TLE3: variants seen among roughly 807,000 people sequenced by gnomAD.
The protein encoded by TLE3 is transducin-like enhancer protein 3.
A neutral mutation model predicts 93.0 loss-of-function variants in TLE3; 14 were observed. The observed-to-expected ratio is 0.15, with a 90% CI of 0.10 to 0.24. The LOEUF (loss-of-function observed/expected upper bound fraction) is 0.24, where lower values mean the gene tolerates loss of function less well. Among genes scored for constraint, TLE3 ranks in the 10% least tolerant of loss-of-function variants. The probability of loss-of-function intolerance (pLI) is 1.00; values close to 1 mark genes in which losing one functional copy is unlikely to be tolerated. For missense variants in TLE3, 693 were observed against 1,046.6 expected, an observed-to-expected ratio of 0.66 and a Z score of 4.66; for synonymous variants, 451 against 425.0, an observed-to-expected ratio of 1.06 and a Z score of -0.75.
rs772877606 is a variant in TLE3, at chr15:70,096,869, G to A, written c.-71C>T. 2.4e-5 allele frequency: 38 copies of A among 1,567,328 alleles called. No individual in the cohort carries two copies. Among genetic ancestry groups the A allele is most frequent in the Non-Finnish European group, 2.9e-5 (33 of 1,154,128 alleles). On this transcript the variant is annotated 5_prime_UTR_variant, in exon 1 of 20. Transcript: ENST00000451782. ...CCGGGCCGGGGAGGTGCGGGGGAGG[G>A]GGGAGCCGAGCCCGAGCGGGGGGCG...
intron 4 of TLE3, among the ~76,000 whole-genome samples, chr15:70,080,125 T>C (rs991100681): frequency 4.0e-5 from 6 of 151,044 alleles, no homozygotes; most frequent in African/African-American, 1.5e-4. Context: ...AATCACAAAC[T>C]GGAACTCGAT....
intron 8 of TLE3, among the ~76,000 whole-genome samples, chr15:70,061,804 G>A (rs1336637486): frequency 6.6e-6 from 1 of 152,208 alleles, no homozygotes; most frequent in Admixed American, 6.5e-5. Flanking sequence ...TGCCCTCCAG[G>A]AGCTCATGGT....
intron 9 of TLE3, 94 bp from the exon 10 acceptor site, chr15:70,059,554 G>A: frequency 1.5e-6 from 2 of 1,302,886 alleles, no homozygotes; most frequent in Non-Finnish European, 1.1e-6. Flanking sequence ...TACTGGCCAG[G>A]ACCTGAAGCC....
At chr15:70,057,955 TGCTGCTTTCATGTCTG>T in intron 12 of TLE3, 188 bp downstream of exon 12, 1 of 874,282 alleles carries the variant, frequency 1.1e-6, no homozygotes, top group Non-Finnish European at 1.7e-6. Flanking sequence ...ACCCGTCTGA[TGCTGCTTTCATGTCTG>T]GCCCAGCAGG....
chr15:70,058,901 C>T lies in TLE3; in HGVS notation c.766-86G>A. 1 of 1,440,600 alleles carries T rather than the reference C, an allele frequency of 6.9e-7. No individual in the cohort carries two copies. Among genetic ancestry groups the T allele is most frequent in the East Asian group, 2.5e-5 (1 of 39,778 alleles). The allele number at this position is 1,440,600 out of a possible 1,614,324, so 89.2% of individuals were successfully genotyped here. On this transcript the variant is annotated intron_variant, in intron 10 of 19. Coordinates refer to ENST00000451782, the MANE Select transcript of TLE3 (RefSeq NM_001105192.3). The surrounding 1 kb of genome is among the most constrained non-coding windows in gnomAD (Gnocchi z 4.1). ...GCTCTGGGAGTGGGAAGAGAGAGGG[C>T]ATGGGCGATGGGAAGACGAGCTTGG...
intron 15 of TLE3, 76 bp from the exon 16 acceptor site, chr15:70,054,761 C>T: frequency 6.8e-7 from 1 of 1,466,552 alleles, no homozygotes; most frequent in East Asian, 2.5e-5. Context: ...TCCAGCAACA[C>T]CGAGCACCCT....
intron 4 of TLE3, among the ~76,000 whole-genome samples, chr15:70,082,675 G>GC (rs1392337913): frequency 6.6e-6 from 1 of 152,360 alleles, no homozygotes. Flanking sequence ...GAAAGGCCCA[G>GC]CCCCCCTCAG....
At chr15:70,060,758 A>G in intron 8 of TLE3, 109 bp from the exon 9 acceptor site, 1 of 1,542,038 alleles carries the variant, frequency 6.5e-7, no homozygotes. Flanking sequence ...GAGGGAAGAG[A>G]AGCTGAACTC....
intron 6 of TLE3, among the ~76,000 whole-genome samples, chr15:70,067,154 C>T (rs139533212): frequency 2.0e-5 from 3 of 152,178 alleles, no homozygotes; most frequent in East Asian, 1.9e-4. Context: ...TCAAGGACTC[C>T]GCTGCCCTGG....
intron 6 of TLE3, among the ~76,000 whole-genome samples, chr15:70,071,959 G>A (rs932027680): frequency 2.6e-5 from 4 of 152,216 alleles, no homozygotes; most frequent in East Asian, 1.9e-4. Flanking sequence ...CTAGATTAGC[G>A]GACTCCTTCG....
intron 8 of TLE3, among the ~76,000 whole-genome samples, chr15:70,063,938 G>C (rs552694770): frequency 3.9e-5 from 6 of 152,200 alleles, no homozygotes; most frequent in African/African-American, 1.4e-4. Flanking sequence ...ATCCTAGCAG[G>C]GGGGTGGTAA....
intron 4 of TLE3, among the ~76,000 whole-genome samples, chr15:70,080,350 T>C: frequency 6.6e-6 from 1 of 152,222 alleles, no homozygotes; most frequent in East Asian, 1.9e-4. Flanking sequence ...TCAGGGAGGC[T>C]GGTGCCGCCT....
rs3825968 is a variant in TLE3, at chr15:70,060,736, C to A, written c.595-87G>T. 0.27 allele frequency: 431,261 copies of A among 1,570,988 alleles called. 61,149 individuals are homozygous for A. The highest frequency in any genetic ancestry group is 0.39 in the Admixed American group (22,315 of 57,394). On this transcript the variant is annotated intron_variant, in intron 8 of 19. Coordinates refer to ENST00000451782, the MANE Select transcript of TLE3 (RefSeq NM_001105192.3). ...CGCACACAGCTAAGTGCAGGTGACA[C>A]GGAGGTCAGGGGAGGGAAGAGAAGC...
rs764776576 is a variant in TLE3 at position 70,058,810 on chromosome 15, G to A, written c.771C>T (p.Pro257=). ...GTGCCGGGCTGACCCGGGGCGTTGC[G>A]GGGTCCTGAAAACACAAGTGATGCA... ...DLVVDVSNED[P]ATPRVSPAHS... Residue 257 remains proline (P), a synonymous_variant, in exon 11 of 20, where the codon CCC becomes CCT. Transcript: ENST00000451782. This position sits in a 1 kb window ranked among gnomAD's most constrained non-coding sequence, Gnocchi z 4.1. The A allele has an allele frequency of 7.0e-6, 11 of 1,578,432 alleles. No homozygotes were observed. Among genetic ancestry groups the A allele is most frequent in the African/African-American group, 6.8e-5 (5 of 73,484 alleles).
chr15:70,095,050 C>A (rs541994771), intron 3 of TLE3, among the ~76,000 whole-genome samples: 1 of 152,318 alleles, frequency 6.6e-6, no homozygotes, highest in East Asian at 1.9e-4. Flanking sequence ...AGATACCCAG[C>A]TGGGGGATCC....
At chr15:70,082,991 G>C (rs1317388406) in intron 4 of TLE3, among the ~76,000 whole-genome samples, 5 of 152,180 alleles carry the variant, frequency 3.3e-5, no homozygotes, top group Admixed American at 3.3e-4. Flanking sequence ...GGCCAAGCTA[G>C]CATGCATCCA....
chr15:70,053,050 T>A lies in TLE3; in HGVS notation c.1974+177A>T. 1.1e-5 allele frequency: 8 copies of A among 736,494 alleles called. No individual in the cohort carries two copies. In the South Asian group the frequency reaches 1.8e-4, roughly 16 times the overall value. The allele number at this position is 736,494 out of a possible 1,614,324, so 45.6% of individuals were successfully genotyped here. ...AAATGTGTCCAACCCCAAGGTCATC[T>A]CCATCTGTTTCACTGCTGCTTCCTC... On this transcript the variant is annotated intron_variant, in intron 17 of 19. Coordinates refer to ENST00000451782, the MANE Select transcript of TLE3 (RefSeq NM_001105192.3).
intron 6 of TLE3, among the ~76,000 whole-genome samples, chr15:70,068,175 A>G (rs2056935581): frequency 6.6e-6 from 1 of 152,254 alleles, no homozygotes. Context: ...GTAGACATTA[A>G]AAAGTTTTTA....
intron 12 of TLE3, 164 bp downstream of exon 12, chr15:70,057,995 C>CTGGTGTCACCTCCTCAA (rs2056196261): frequency 8.4e-7 from 1 of 1,184,198 alleles, no homozygotes; most frequent in Non-Finnish European, 1.2e-6. Flanking sequence ...CCCAGAAACC[C>CTGGTGTCACCTCCTCAA]TGGTGTCACC....
Sources: allele counts gnomAD v4.1 joint callset (sites outside exome capture counted in the v4.1 genomes callset), GRCh38; gene constraint gnomAD v4.1.1; non-coding constraint Gnocchi (gnomAD v3.1); transcripts MANE v1.5; gene names NCBI Gene and HGNC (gene_info 2026-07-23, HGNC 2026-07-21).